ARB2A: variants seen among roughly 807,000 people sequenced by gnomAD.
ARB2A encodes cotranscriptional regulator ARB2A.
chr5:93,629,113 G>T, the ARB2A span, among the ~76,000 whole-genome samples: 1 of 152,172 alleles, frequency 6.6e-6, no homozygotes, highest in Non-Finnish European at 1.5e-5. Context: ...CCATTGTAGG[G>T]TTATTAATTG....
chr5:93,732,598 A>C, the ARB2A span, among the ~76,000 whole-genome samples: 1 of 152,058 alleles, frequency 6.6e-6, no homozygotes, highest in East Asian at 1.9e-4. Context: ...AAAAAAAAAA[A>C]ACCCAAACCT....
the ARB2A span, among the ~76,000 whole-genome samples, chr5:93,901,055 T>C: frequency 1.3e-5 from 2 of 152,146 alleles, no homozygotes; most frequent in Non-Finnish European, 2.9e-5. Flanking sequence ...TGGTTCCTTC[T>C]CCATTCTTCC....
At chr5:94,048,051 C>CTTTTTTTTTTTTTTTTTTTTTTT in the ARB2A span, among the ~76,000 whole-genome samples, 1 of 96,078 alleles carries the variant, frequency 1.0e-5, no homozygotes, top group Non-Finnish European at 1.9e-5. Flanking sequence ...AATCGGTAAG[C>CTTTTTTTTTTTTTTTTTTTTTTT]TTTTTTTTTT....
the ARB2A span, among the ~76,000 whole-genome samples, chr5:93,820,131 T>C: frequency 6.6e-6 from 1 of 152,192 alleles, no homozygotes; most frequent in Non-Finnish European, 1.5e-5. Flanking sequence ...AATAAACTAA[T>C]GAAATATATT....
At chr5:93,963,607 A>G in the ARB2A span, among the ~76,000 whole-genome samples, 2 of 152,006 alleles carry the variant, frequency 1.3e-5, no homozygotes, top group Non-Finnish European at 2.9e-5. Context: ...ATAATAAAAT[A>G]GCACTATCCA....
chr5:93,758,990 C>G, the ARB2A span, among the ~76,000 whole-genome samples: 1 of 151,972 alleles, frequency 6.6e-6, no homozygotes, highest in African/African-American at 2.4e-5. Flanking sequence ...ATAAAATTGA[C>G]AGACCATTGG....
At chr5:94,003,088 C>T in the ARB2A span, among the ~76,000 whole-genome samples, 6 of 152,178 alleles carry the variant, frequency 3.9e-5, no homozygotes, top group East Asian at 7.7e-4. Context: ...AAATTAATAA[C>T]CATATGCAAA....
the ARB2A span, among the ~76,000 whole-genome samples, chr5:93,971,596 A>ATAAATAAG: frequency 6.6e-6 from 1 of 150,990 alleles, no homozygotes; most frequent in Admixed American, 6.6e-5. Context: ...AAATAAATAA[A>ATAAATAAG]TAAATAAATA....
chr5:93,841,557 T>C, the ARB2A span, among the ~76,000 whole-genome samples: 1 of 152,144 alleles, frequency 6.6e-6, no homozygotes, highest in Non-Finnish European at 1.5e-5. Flanking sequence ...TGAAGGACAA[T>C]TATTTATGTC....
At chr5:93,643,721 T>A in the ARB2A span, among the ~76,000 whole-genome samples, 1 of 152,208 alleles carries the variant, frequency 6.6e-6, no homozygotes, top group African/African-American at 2.4e-5. Flanking sequence ...CTCAAACTCC[T>A]GATCTCAGGT....
the ARB2A span, among the ~76,000 whole-genome samples, chr5:94,075,677 A>C: frequency 2.0e-5 from 3 of 152,200 alleles, no homozygotes; most frequent in African/African-American, 7.2e-5. Context: ...GCTATCCATA[A>C]GGTAAATTTC....
At chr5:93,633,027 G>T in the ARB2A span, among the ~76,000 whole-genome samples, 1 of 152,102 alleles carries the variant, frequency 6.6e-6, no homozygotes, top group Non-Finnish European at 1.5e-5. Flanking sequence ...GGTGACTGGT[G>T]GGCCTACCCT....
At chr5:93,933,266 C>T in the ARB2A span, among the ~76,000 whole-genome samples, 1 of 152,142 alleles carries the variant, frequency 6.6e-6, no homozygotes, top group Non-Finnish European at 1.5e-5. Context: ...GATCTAGAAC[C>T]AGGAATACCA....
chr5:94,082,002 G>C, the ARB2A span, among the ~76,000 whole-genome samples: 4 of 152,122 alleles, frequency 2.6e-5, no homozygotes, highest in Non-Finnish European at 5.9e-5. Context: ...CCTCTCTCCA[G>C]AGCCAGGCTA....
At chr5:93,873,914 T>C in the ARB2A span, among the ~76,000 whole-genome samples, 9 of 152,184 alleles carry the variant, frequency 5.9e-5, no homozygotes, top group Admixed American at 5.2e-4. Flanking sequence ...TCCAAATAGG[T>C]TGCAGAAAGG....
chr5:93,986,148 G>A, the ARB2A span, among the ~76,000 whole-genome samples: 2 of 149,452 alleles, frequency 1.3e-5, no homozygotes, highest in South Asian at 2.1e-4. Flanking sequence ...CTGCCCGGCC[G>A]CCACCCAGTC....
chr5:93,924,085 A>G, the ARB2A span, among the ~76,000 whole-genome samples: 3 of 152,166 alleles, frequency 2.0e-5, no homozygotes, highest in Non-Finnish European at 4.4e-5. Context: ...ACAAAACTAG[A>G]TAGAACACTA....
At chr5:93,655,600 G>A in the ARB2A span, among the ~76,000 whole-genome samples, 7 of 152,102 alleles carry the variant, frequency 4.6e-5, no homozygotes, top group Non-Finnish European at 5.9e-5. Context: ...TTAGTAATAC[G>A]CAAGGGAAAG....
At chr5:93,845,291 C>T in the ARB2A span, among the ~76,000 whole-genome samples, 13,569 of 152,194 alleles carry the variant, frequency 0.089, 793 homozygotes, top group Middle Eastern at 0.17. Context: ...AAACAACATG[C>T]TATTTAGGAG....
Sources: allele counts gnomAD v4.1 joint callset (sites outside exome capture counted in the v4.1 genomes callset), GRCh38; gene constraint gnomAD v4.1.1; transcripts MANE v1.5; gene names NCBI Gene and HGNC (gene_info 2026-07-23, HGNC 2026-07-21).